NXPH3: variants seen among roughly 807,000 people sequenced by gnomAD.
NXPH3 encodes the protein neurexophilin 3.
Under a neutral mutation model 18.8 loss-of-function variants are expected in NXPH3, and 7 were observed. The ratio of observed to expected loss-of-function variants is 0.37; its 90% CI spans 0.21 to 0.70. The LOEUF is 0.70. Among genes scored for constraint, NXPH3 ranks in the 30% least tolerant of loss-of-function variants. NXPH3 has a pLI of 0.53. For synonymous variants in NXPH3, 101 were observed against 137.3 expected (o/e 0.74, Z 1.85); for missense variants, 282 against 338.1 (o/e 0.83, Z 1.30).
At position 49,578,994 on chromosome 17, in the gene NXPH3, C is replaced by G. The variant is rs1439019004; in HGVS notation, c.453C>G (p.Pro151=). 4 of 1,614,098 alleles carry G rather than the reference C, an allele frequency of 2.5e-6. No individual in the cohort carries two copies. Among genetic ancestry groups the G allele is most frequent in the Admixed American group, 3.3e-5 (2 of 60,008 alleles). The change falls in exon 2 of 2, where the codon CCC becomes CCG. Residue 151 remains proline, a synonymous_variant. Coordinates refer to ENST00000328741, the MANE Select transcript of NXPH3 (RefSeq NM_007225.4). The surrounding 1 kb of genome is among the most constrained non-coding windows in gnomAD (Gnocchi z 4.5). The part of the protein sequence containing the change: ...QGNISISLVP[P]SKAVEFHQEQ... The stretch of plus-strand genomic sequence containing the variant: ...ACATCTCCATCAGCCTCGTGCCCCC[C>G]AGTAAAGCTGTAGAGTTCCACCAGG...
At chr17:49,577,490 GC>G (rs1434387059) in intron 1 of NXPH3, among the ~76,000 whole-genome samples, 1 of 152,152 alleles carries the variant, frequency 6.6e-6, no homozygotes, top group African/African-American at 2.4e-5. Context: ...ACCCCCTGAT[GC>G]CCCCCACTGC....
In NXPH3 at chr17:49,582,014, G is replaced by A. The variant is rs934301904; in HGVS notation, c.*2714G>A. The A allele has an allele frequency of 1.9e-5, 11 of 591,904 alleles. No individual in the cohort carries two copies. The highest frequency in any genetic ancestry group is 2.7e-5 in the Non-Finnish European group (9 of 333,596). The allele number at this position is 591,904 out of a possible 1,614,324, so 36.7% of individuals were successfully genotyped here. ...GGCTGCTCTCCTCAGCTAGGACTTCGCTAACAGATTTCCTCCCAAACCTTA... is the reference window on the plus strand; with the variant it reads ...GGCTGCTCTCCTCAGCTAGGACTTCACTAACAGATTTCCTCCCAAACCTTA... On this transcript the variant is annotated 3_prime_UTR_variant, in exon 2 of 2. Transcript: ENST00000328741.
At position 49,578,624 on chromosome 17, in the gene NXPH3, C is replaced by G; in HGVS notation, c.83C>G (p.Pro28Arg). The part of the protein sequence containing the change: ...LVICGQDDGP[P>R]GSEDPERDDH... Reference sequence around the variant, plus strand: ...ATCTGTGGCCAGGATGATGGTCCTCCCGGCTCAGAGGACCCTGAGCGTGAT... The same window carrying G: ...ATCTGTGGCCAGGATGATGGTCCTCGCGGCTCAGAGGACCCTGAGCGTGAT... Residue 28 changes from proline to arginine, a missense_variant, in exon 2 of 2, where the codon CCC becomes CGC. Pro to Arg is a moderately radical substitution (Grantham distance 103). Coordinates refer to ENST00000328741, the MANE Select transcript of NXPH3 (RefSeq NM_007225.4). The surrounding 1 kb of genome is among the most constrained non-coding windows in gnomAD (Gnocchi z 4.5). 1 of 1,579,850 alleles carries G rather than the reference C, an allele frequency of 6.3e-7. No homozygotes were observed.
rs2071603407 is a variant in NXPH3 at position 49,582,046 on chromosome 17, T to G, written c.*2746T>G. ...GATTTCCTCCCAAACCTTAATTCTT[T>G]GGAATAGCCCTCTGGTCCCTACTGT... On this transcript the variant is annotated 3_prime_UTR_variant, in exon 2 of 2. Coordinates refer to ENST00000328741, the MANE Select transcript of NXPH3 (RefSeq NM_007225.4). 1.7e-6 allele frequency: 1 copy of G among 588,098 alleles called. No homozygotes were observed. The highest frequency in any genetic ancestry group is 1.9e-5 in the African/African-American group (1 of 53,638). 36.4% of individuals were successfully genotyped at this position (588,098 alleles called of 1,614,324 possible). A position where few individuals can be genotyped will look rare whatever the true frequency, so the allele number is the denominator to read the frequency against.
intron 1 of NXPH3, among the ~76,000 whole-genome samples, chr17:49,577,184 C>T (rs2143036529): frequency 6.6e-6 from 1 of 152,270 alleles, no homozygotes; most frequent in South Asian, 2.1e-4. Flanking sequence ...GACCCAGACC[C>T]CGAGCCTCCC....
At position 49,583,558 on chromosome 17, in the gene NXPH3, C is replaced by T. The variant is rs987140294; in HGVS notation, c.*4258C>T. ...ATGCCTAGTTCAAGGCCTCCCAGTT[C>T]CTCATCCCAGGCCACCTGGTCAGGT... On this transcript the variant is annotated 3_prime_UTR_variant, in exon 2 of 2. Transcript: ENST00000328741. 4 of 152,220 alleles carry T rather than the reference C, an allele frequency of 2.6e-5. No individual in the cohort carries two copies. Among genetic ancestry groups the T allele is most frequent in the African/African-American group, 9.7e-5 (4 of 41,436 alleles). The allele number at this position is 152,220 out of a possible 1,614,324, so 9.4% of individuals were successfully genotyped here.
chr17:49,578,855 T>C lies in NXPH3; in HGVS notation c.314T>C (p.Phe105Ser). The change falls in exon 2 of 2, where the codon TTC becomes TCC. Residue 105 changes from phenylalanine to serine, a missense_variant. Transcript: ENST00000328741. This position sits in a 1 kb window ranked among gnomAD's most constrained non-coding sequence, Gnocchi z 4.5. ...KVKKIFGWGD[F>S]YSNIKTVALN... ...AAGAAAATCTTTGGCTGGGGCGACTTCTACTCCAACATCAAGACGGTGGCC... is the reference window on the plus strand; with the variant it reads ...AAGAAAATCTTTGGCTGGGGCGACTCCTACTCCAACATCAAGACGGTGGCC... 6.2e-7 allele frequency: 1 copy of C among 1,614,098 alleles called. No homozygotes were observed. The highest frequency in any genetic ancestry group is 8.5e-7 in the Non-Finnish European group (1 of 1,180,034).
Position 49,578,530 on chromosome 17 carries a change from G to T in NXPH3, c.55-66G>T. 2 of 1,295,314 alleles carry T rather than the reference G, an allele frequency of 1.5e-6. No individual in the cohort carries two copies. Among genetic ancestry groups the T allele is most frequent in the Admixed American group, 2.3e-5 (1 of 43,870 alleles). 80.2% of individuals were successfully genotyped at this position (1,295,314 alleles called of 1,614,324 possible). ...GTGAAGTGGCAGGGACAGGGGTACT[G>T]CTGGTAGCGGGGGTGGTGGACCTCC... is the stretch of plus-strand genomic sequence containing the variant. On this transcript the variant is annotated intron_variant, in intron 1 of 1. Transcript: ENST00000328741. This position sits in a 1 kb window ranked among gnomAD's most constrained non-coding sequence, Gnocchi z 4.5.
chr17:49,576,334 C>T, intron 1 of NXPH3, 61 bp downstream of exon 1: 2 of 1,527,650 alleles, frequency 1.3e-6, no homozygotes, highest in Admixed American at 3.9e-5. Context: ...GGGGAGAGCG[C>T]GGGAAGCTTG....
In NXPH3 at chr17:49,582,835, G is replaced by A. The variant is rs961286955; in HGVS notation, c.*3535G>A. On this transcript the variant is annotated 3_prime_UTR_variant, in exon 2 of 2. Coordinates refer to ENST00000328741, the MANE Select transcript of NXPH3 (RefSeq NM_007225.4). The stretch of plus-strand genomic sequence containing the variant: ...TCCTAGCACTCTGTGAAGCTAATAA[G>A]GGGGATTACCCGTTAGGTCAACTGG... The A allele has an allele frequency of 6.6e-6, 1 of 152,228 alleles. No homozygotes were observed. The highest frequency in any genetic ancestry group is 2.4e-5 in the African/African-American group (1 of 41,438). 9.4% of individuals were successfully genotyped at this position (152,228 alleles called of 1,614,324 possible). A position where few individuals can be genotyped will look rare whatever the true frequency, so the allele number is the denominator to read the frequency against.
chr17:49,578,588 C>G lies in NXPH3; in HGVS notation c.55-8C>G. 2 of 1,547,258 alleles carry G rather than the reference C, an allele frequency of 1.3e-6. No homozygotes were observed. The highest frequency in any genetic ancestry group is 1.7e-6 in the Non-Finnish European group (2 of 1,149,272). The stretch of plus-strand genomic sequence containing the variant: ...GGGCTCTCACTGTACTCACAACTCC[C>G]TCCATAGGTCATCTGTGGCCAGGAT... On this transcript the variant is annotated splice_polypyrimidine_tract_variant and splice_region_variant and intron_variant, in intron 1 of 1. Transcript: ENST00000328741. The surrounding 1 kb of genome is among the most constrained non-coding windows in gnomAD (Gnocchi z 4.5).
Position 49,581,474 on chromosome 17 carries a change from C to T in NXPH3, c.*2174C>T, listed in dbSNP as rs1015711125. ...GCAAACTGGTCCCCTCATACTGCAGCGCAGAGTTGGGTGGGGCTGAGAAGC... is the reference window on the plus strand; with the variant it reads ...GCAAACTGGTCCCCTCATACTGCAGTGCAGAGTTGGGTGGGGCTGAGAAGC... On this transcript the variant is annotated 3_prime_UTR_variant, in exon 2 of 2. Transcript: ENST00000328741. 6 of 621,570 alleles carry T rather than the reference C, an allele frequency of 9.7e-6. No homozygotes were observed. The highest frequency in any genetic ancestry group is 5.1e-5 in the Admixed American group (2 of 38,860). The allele number at this position is 621,570 out of a possible 1,614,324, so 38.5% of individuals were successfully genotyped here. A position where few individuals can be genotyped will look rare whatever the true frequency, so the allele number is the denominator to read the frequency against.
Position 49,580,499 on chromosome 17 carries a change from C to G in NXPH3, c.*1199C>G, listed in dbSNP as rs905537617. 1 of 152,246 alleles carries G rather than the reference C, an allele frequency of 6.6e-6. No homozygotes were observed. The highest frequency in any genetic ancestry group is 2.4e-5 in the African/African-American group (1 of 41,456). 9.4% of individuals were successfully genotyped at this position (152,246 alleles called of 1,614,324 possible). A position where few individuals can be genotyped will look rare whatever the true frequency, so the allele number is the denominator to read the frequency against. ...TTGGCGCTGATGTTTGCTGAGGGCT[C>G]AGGGCTTCCCTCTCCAGCCCCGGTT... On this transcript the variant is annotated 3_prime_UTR_variant, in exon 2 of 2. Transcript: ENST00000328741.
In NXPH3 at chr17:49,582,040, A is replaced by T. The variant is rs1047724286; in HGVS notation, c.*2740A>T. Reference sequence around the variant, plus strand: ...CTAACAGATTTCCTCCCAAACCTTAATTCTTTGGAATAGCCCTCTGGTCCC... The same window carrying T: ...CTAACAGATTTCCTCCCAAACCTTATTTCTTTGGAATAGCCCTCTGGTCCC... On this transcript the variant is annotated 3_prime_UTR_variant, in exon 2 of 2. Coordinates refer to ENST00000328741, the MANE Select transcript of NXPH3 (RefSeq NM_007225.4). The T allele has an allele frequency of 3.6e-5, 21 of 588,724 alleles. No homozygotes were observed. The highest frequency in any genetic ancestry group is 6.0e-5 in the Non-Finnish European group (20 of 332,354). 36.5% of individuals were successfully genotyped at this position (588,724 alleles called of 1,614,324 possible).
chr17:49,581,633 T>A lies in NXPH3; in HGVS notation c.*2333T>A, dbSNP rs1251365250. 1.4e-6 allele frequency: 1 copy of A among 702,456 alleles called. No homozygotes were observed. Among genetic ancestry groups the A allele is most frequent in the Non-Finnish European group, 2.6e-6 (1 of 384,998 alleles). 43.5% of individuals were successfully genotyped at this position (702,456 alleles called of 1,614,324 possible). A position where few individuals can be genotyped will look rare whatever the true frequency, so the allele number is the denominator to read the frequency against. On this transcript the variant is annotated 3_prime_UTR_variant, in exon 2 of 2. Coordinates refer to ENST00000328741, the MANE Select transcript of NXPH3 (RefSeq NM_007225.4). ...CCAGACCACCCTCCGCTCCCCACCCTGGAGGCTTGAGACTGCTGGCACTGG... is the reference window on the plus strand; with the variant it reads ...CCAGACCACCCTCCGCTCCCCACCCAGGAGGCTTGAGACTGCTGGCACTGG...
Position 49,582,156 on chromosome 17 carries a change from C to G in NXPH3, c.*2856C>G. On this transcript the variant is annotated 3_prime_UTR_variant, in exon 2 of 2. Coordinates refer to ENST00000328741, the MANE Select transcript of NXPH3 (RefSeq NM_007225.4). ...TCCTCTGGCTAAGAAGACGTCACCT[C>G]TGCCCCATTGGCGAGCAGTGTCCCC... is the stretch of plus-strand genomic sequence containing the variant. 1 of 473,760 alleles carries G rather than the reference C, an allele frequency of 2.1e-6. No homozygotes were observed. Among genetic ancestry groups the G allele is most frequent in the Admixed American group, 3.9e-5 (1 of 25,528 alleles). 29.3% of individuals were successfully genotyped at this position (473,760 alleles called of 1,614,324 possible). A position where few individuals can be genotyped will look rare whatever the true frequency, so the allele number is the denominator to read the frequency against.
chr17:49,576,526 G>T (rs1234459952), intron 1 of NXPH3, among the ~76,000 whole-genome samples: 4 of 151,980 alleles, frequency 2.6e-5, no homozygotes, highest in Non-Finnish European at 5.9e-5. Context: ...ACCAGCGCTC[G>T]GAAAAAGGCC....
Position 49,581,715 on chromosome 17 carries a change from A to C in NXPH3, c.*2415A>C, listed in dbSNP as rs1323273546. ...CGTTCAGCCTCCCACAGTGCTGTGG[A>C]GACTGCAGGAAGGAGGAGGAAGCAA... On this transcript the variant is annotated 3_prime_UTR_variant, in exon 2 of 2. Transcript: ENST00000328741. 4.3e-6 allele frequency: 3 copies of C among 702,526 alleles called. No homozygotes were observed. Among genetic ancestry groups the C allele is most frequent in the South Asian group, 3.0e-5 (2 of 67,604 alleles). The allele number at this position is 702,526 out of a possible 1,614,324, so 43.5% of individuals were successfully genotyped here.
chr17:49,579,371 C>A lies in NXPH3; in HGVS notation c.*71C>A. 1 of 1,356,152 alleles carries A rather than the reference C, an allele frequency of 7.4e-7. No individual in the cohort carries two copies. The highest frequency in any genetic ancestry group is 2.0e-5 in the Admixed American group (1 of 50,238). The allele number at this position is 1,356,152 out of a possible 1,614,324, so 84.0% of individuals were successfully genotyped here. On this transcript the variant is annotated 3_prime_UTR_variant, in exon 2 of 2. Coordinates refer to ENST00000328741, the MANE Select transcript of NXPH3 (RefSeq NM_007225.4). This position sits in a 1 kb window ranked among gnomAD's most constrained non-coding sequence, Gnocchi z 6.0. ...CTGCCCATGCAGGAGACCATCTGGA[C>A]ACCGGGCAGGGAAGGGGTTGGGCCT...
Sources: gnomAD v4.1 joint callset for allele counts (sites outside exome capture counted in the v4.1 genomes callset) on GRCh38, gnomAD v4.1.1 for gene constraint, Gnocchi (gnomAD v3.1) non-coding constraint, MANE v1.5 for transcripts, NCBI Gene and HGNC (gene_info 2026-07-23, HGNC 2026-07-21) for gene names.